The following ACOT1 variants were observed in gnomAD, a reference collection of about 807,000 sequenced individuals.
The protein encoded by ACOT1 is acyl-CoA thioesterase 1.
In ACOT1, 8 loss-of-function variants were observed where a neutral mutation model predicts 15.7. That is an observed-to-expected ratio of 0.51 (90% CI 0.30 to 0.92). The LOEUF is 0.92. Among genes scored for constraint, ACOT1 ranks in the 40% least tolerant of loss-of-function variants. The probability of loss-of-function intolerance (pLI) is 0.06; values close to 1 mark genes in which losing one functional copy is unlikely to be tolerated. For missense variants in ACOT1, 151 were observed against 539.4 expected, an observed-to-expected ratio of 0.28 and a Z score of 7.13; for synonymous variants, 67 against 241.2, an observed-to-expected ratio of 0.28 and a Z score of 6.69.
chr14:73,509,811 C>T, the ACOT1 span, among the ~76,000 whole-genome samples: 16,938 of 19,222 alleles, frequency 0.88, 7,438 homozygotes, highest in Middle Eastern at 1. Flanking sequence ...CCCATGAGCC[C>T]ATATATATAT....
chr14:73,499,072 T>C, the ACOT1 span: 1 of 1,613,868 alleles, frequency 6.2e-7, no homozygotes. Flanking sequence ...CTATAATACC[T>C]CGAATGGCAA....
At chr14:73,509,206 C>G in the ACOT1 span, 2 of 1,106,842 alleles carry the variant, frequency 1.8e-6, no homozygotes, top group Admixed American at 1.8e-5. Flanking sequence ...AAACCCAATA[C>G]AGCAGACATT....
At chr14:73,500,433 G>T in the ACOT1 span, 2 of 1,148,454 alleles carry the variant, frequency 1.7e-6, no homozygotes, top group South Asian at 1.5e-5. Flanking sequence ...CCCCTTCCCA[G>T]TTCCAATCTC....
the ACOT1 span, chr14:73,518,894 G>T: frequency 2.5e-6 from 2 of 805,580 alleles, no homozygotes; most frequent in Admixed American, 2.5e-5. Context: ...GTAGAAAGGG[G>T]ATTGCCTAGA....
the ACOT1 span, among the ~76,000 whole-genome samples, chr14:73,528,392 C>CAAAAAAAAAAAAA: frequency 1.1e-5 from 1 of 88,516 alleles, no homozygotes; most frequent in Non-Finnish European, 2.0e-5. Context: ...AACTTCATCT[C>CAAAAAAAAAAAAA]AAAAAAAAAA....
At position 73,537,354 on chromosome 14, in the gene ACOT1, G is replaced by A. The variant is rs1191448851; in HGVS notation, c.-68G>A. On this transcript the variant is annotated 5_prime_UTR_variant, in exon 1 of 3. Transcript: ENST00000311148. ...CTGCGACGGCAGCCCGAGAGGAAGA[G>A]TTGGGCAGAGTTGCAGGGGTCTCCA... 3 of 1,183,648 alleles carry A rather than the reference G, an allele frequency of 2.5e-6. 1 individual carries two copies. Among genetic ancestry groups the A allele is most frequent in the Non-Finnish European group, 3.4e-6 (3 of 889,444 alleles). 73.3% of individuals were successfully genotyped at this position (1,183,648 alleles called of 1,614,324 possible). A position where few individuals can be genotyped will look rare whatever the true frequency, so the allele number is the denominator to read the frequency against.
chr14:73,500,596 C>G, the ACOT1 span: 4 of 1,613,930 alleles, frequency 2.5e-6, no homozygotes, highest in Non-Finnish European at 3.4e-6. Context: ...ACAGGCTGCC[C>G]GCCGAACTGC....
Position 73,543,036 on chromosome 14 carries a change from T to C in ACOT1, c.661-14T>C, listed in dbSNP as rs753177648. ...GGAGCCATTCTTCTTCTTTTTCCTT[T>C]GTCCCTTTCTCAGGTAAAAGGTCCA... On this transcript the variant is annotated splice_polypyrimidine_tract_variant and intron_variant, in intron 2 of 2. Coordinates refer to ENST00000311148, the MANE Select transcript of ACOT1 (RefSeq NM_001037161.2). 1.6e-6 allele frequency: 2 copies of C among 1,281,948 alleles called. 1 individual carries two copies. The highest frequency in any genetic ancestry group is 3.2e-5 in the African/African-American group (2 of 62,242). The allele number at this position is 1,281,948 out of a possible 1,614,324, so 79.4% of individuals were successfully genotyped here.
the ACOT1 span, chr14:73,493,471 A>G: frequency 3.7e-5 from 9 of 243,670 alleles, no homozygotes; most frequent in African/African-American, 7.0e-5. Flanking sequence ...GGGAAAATCT[A>G]TAATGGCTGA....
chr14:73,525,365 CA>C, the ACOT1 span, among the ~76,000 whole-genome samples: 1 of 152,106 alleles, frequency 6.6e-6, no homozygotes, highest in Non-Finnish European at 1.5e-5. Context: ...GCCATTAGGC[CA>C]GAATCAATAA....
upstream of ACOT1, among the ~76,000 whole-genome samples, chr14:73,533,623 G>A (rs1172346225): frequency 8.7e-6 from 1 of 114,930 alleles, no homozygotes; most frequent in Non-Finnish European, 1.9e-5. Context: ...AGGTTTCAGT[G>A]AGCTGAGACC....
chr14:73,500,433 G>C, the ACOT1 span: 1 of 1,148,460 alleles, frequency 8.7e-7, no homozygotes, highest in Non-Finnish European at 1.2e-6. Flanking sequence ...CCCCTTCCCA[G>C]TTCCAATCTC....
the ACOT1 span, among the ~76,000 whole-genome samples, chr14:73,508,696 A>C: frequency 7.3e-6 from 1 of 136,526 alleles, no homozygotes; most frequent in Non-Finnish European, 1.5e-5. Flanking sequence ...TTGCAGTGTG[A>C]GCTGAGATCC....
At chr14:73,510,769 CCA>C in the ACOT1 span, among the ~76,000 whole-genome samples, 2 of 152,116 alleles carry the variant, frequency 1.3e-5, no homozygotes, top group Admixed American at 6.6e-5. Context: ...CTTGAGCATT[CCA>C]CAGAGTCTTG....
At chr14:73,520,766 C>T in the ACOT1 span, 1 of 1,290,086 alleles carries the variant, frequency 7.8e-7, no homozygotes, top group Non-Finnish European at 1.1e-6. Flanking sequence ...TGTCCATACC[C>T]ACAACTGTTT....
At chr14:73,491,690 C>A in the ACOT1 span, 1 of 1,549,724 alleles carries the variant, frequency 6.5e-7, no homozygotes, top group Admixed American at 2.0e-5. Context: ...CCTATGGGAG[C>A]GCGAGGCGGT....
chr14:73,491,823 A>G, the ACOT1 span: 1 of 1,605,664 alleles, frequency 6.2e-7, no homozygotes, highest in Non-Finnish European at 8.5e-7. Flanking sequence ...CGCTACATCA[A>G]CGGACGACGC....
chr14:73,507,036 C>A, the ACOT1 span, among the ~76,000 whole-genome samples: 1 of 152,114 alleles, frequency 6.6e-6, no homozygotes, highest in South Asian at 2.1e-4. Context: ...TTCCTGACCT[C>A]AGGTGATCTG....
At chr14:73,542,556 C>T (rs1889123318) in intron 2 of ACOT1, among the ~76,000 whole-genome samples, 1 of 106,406 alleles carries the variant, frequency 9.4e-6, no homozygotes, top group Non-Finnish European at 2.0e-5. Context: ...AGGCGCATGC[C>T]ACTTCTGCCT....
Sources: allele counts gnomAD v4.1 joint callset (sites outside exome capture counted in the v4.1 genomes callset), GRCh38; gene constraint gnomAD v4.1.1; transcripts MANE v1.5; gene names NCBI Gene and HGNC (gene_info 2026-07-23, HGNC 2026-07-21).